The following ZNF565 variants were observed in gnomAD, a reference collection of about 807,000 sequenced individuals.
ZNF565 encodes the protein zinc finger protein 565.
ZNF565 carries 27 observed loss-of-function variants against 39.4 expected under a neutral mutation model. The observed-to-expected ratio is 0.69, with a 90% confidence interval of 0.51 to 0.95. The LOEUF (loss-of-function observed/expected upper bound fraction) is 0.95, where lower values mean the gene tolerates loss of function less well. Ranked by LOEUF, ZNF565 falls within the 40% of genes least tolerant of loss-of-function variation. ZNF565 has a pLI of 0.00. For missense variants in ZNF565, 524 were observed against 621.1 expected, an observed-to-expected ratio of 0.84 and a Z score of 1.66; for synonymous variants, 185 against 216.6, an observed-to-expected ratio of 0.85 and a Z score of 1.28.
At chr19:36,244,310 G>A (rs996764952) in intron 1 of ZNF565, among the ~76,000 whole-genome samples, 1 of 151,934 alleles carries the variant, frequency 6.6e-6, no homozygotes, top group Admixed American at 6.6e-5. Context: ...CTGTAATCCC[G>A]GGAGGCCGAG....
chr19:36,216,981 C>T (rs541112307), upstream of ZNF565, among the ~76,000 whole-genome samples: 10 of 149,350 alleles, frequency 6.7e-5, no homozygotes, highest in Admixed American at 4.7e-4. Context: ...ATCACTTGAG[C>T]CTAGGAGGTC....
At chr19:36,193,769 A>G (rs148478337) in intron 4 of ZNF565, among the ~76,000 whole-genome samples, 2 of 152,130 alleles carry the variant, frequency 1.3e-5, no homozygotes, top group East Asian at 3.9e-4. Context: ...AGGGATGAAG[A>G]CACTTGTAGA....
At chr19:36,234,157 C>T (rs111248918) in intron 1 of ZNF565, among the ~76,000 whole-genome samples, 5 of 152,170 alleles carry the variant, frequency 3.3e-5, no homozygotes, top group Admixed American at 2.0e-4. Context: ...ATCCATTTAA[C>T]GCTGAGTTGA....
intron 1 of ZNF565, among the ~76,000 whole-genome samples, chr19:36,235,164 G>T (rs1157232261): frequency 6.7e-6 from 1 of 150,054 alleles, no homozygotes; most frequent in African/African-American, 2.5e-5. Context: ...AGCCGAGATC[G>T]CACCACTGCA....
chr19:36,224,450 T>G (rs1383602193), intron 1 of ZNF565, among the ~76,000 whole-genome samples: 2 of 152,224 alleles, frequency 1.3e-5, no homozygotes, highest in Non-Finnish European at 2.9e-5. Context: ...TACTAAATTC[T>G]CACATTTATT....
intron 1 of ZNF565, among the ~76,000 whole-genome samples, chr19:36,204,893 T>C (rs1976095612): frequency 6.6e-6 from 1 of 151,906 alleles, no homozygotes; most frequent in Non-Finnish European, 1.5e-5. Flanking sequence ...GAGGCTGAGA[T>C]GGGAGAACTG....
At chr19:36,222,407 C>T (rs1976886257) in intron 1 of ZNF565, among the ~76,000 whole-genome samples, 1 of 152,098 alleles carries the variant, frequency 6.6e-6, no homozygotes, top group Non-Finnish European at 1.5e-5. Flanking sequence ...TTATGTGCGC[C>T]ATTTTATACT....
chr19:36,188,460 C>T (rs1430165507), intron 4 of ZNF565, among the ~76,000 whole-genome samples: 1 of 151,784 alleles, frequency 6.6e-6, no homozygotes, highest in Non-Finnish European at 1.5e-5. Flanking sequence ...GCCTGTAACC[C>T]CAGCACTTTG....
chr19:36,234,484 C>T (rs1568436465), intron 1 of ZNF565, among the ~76,000 whole-genome samples: 1 of 152,206 alleles, frequency 6.6e-6, no homozygotes, highest in Non-Finnish European at 1.5e-5. Context: ...CCCCAGAATG[C>T]CTTCCATAGT....
chr19:36,218,224 G>T (rs1456762050), upstream of ZNF565: 1 of 151,336 alleles, frequency 6.6e-6, no homozygotes, highest in African/African-American at 2.4e-5. Context: ...GGCCTCAGTT[G>T]CTCATTTCAT....
chr19:36,227,176 G>T (rs1977105512), intron 1 of ZNF565, among the ~76,000 whole-genome samples: 1 of 151,902 alleles, frequency 6.6e-6, no homozygotes, highest in South Asian at 2.1e-4. Flanking sequence ...ATCACCTGAG[G>T]TCAGGGGTTC....
chr19:36,226,911 C>A (rs1462095100), intron 1 of ZNF565, among the ~76,000 whole-genome samples: 1 of 151,876 alleles, frequency 6.6e-6, no homozygotes, highest in East Asian at 1.9e-4. Context: ...CAGAGAAACT[C>A]CGTCTCTACT....
chr19:36,235,395 T>C (rs1393186503), intron 1 of ZNF565, among the ~76,000 whole-genome samples: 1 of 152,208 alleles, frequency 6.6e-6, no homozygotes. Context: ...CCATGAATGT[T>C]AATTTTCTAC....
chr19:36,195,235 AG>A (rs1975714776), intron 2 of ZNF565, 79 bp from the exon 3 acceptor site: 2 of 1,538,664 alleles, frequency 1.3e-6, no homozygotes, highest in South Asian at 1.3e-5. Context: ...GATGCACAAA[AG>A]TACAGAGAAT....
At chr19:36,184,091 A>AC (rs1214883539) in intron 4 of ZNF565, among the ~76,000 whole-genome samples, 1 of 149,362 alleles carries the variant, frequency 6.7e-6, no homozygotes, top group African/African-American at 2.4e-5. Flanking sequence ...AAAAAAAAAA[A>AC]AAAAAAAAAA....
intron 1 of ZNF565, chr19:36,237,324 C>A (rs201354591): frequency 4.6e-5 from 72 of 1,579,288 alleles, no homozygotes; most frequent in Admixed American, 5.6e-5. Context: ...CACTAAAAAC[C>A]CCATGAAAGC....
chr19:36,242,725 G>GA (rs1472907825), intron 1 of ZNF565, among the ~76,000 whole-genome samples: 2 of 151,964 alleles, frequency 1.3e-5, no homozygotes, highest in Non-Finnish European at 2.9e-5. Context: ...ACTCTGTCTC[G>GA]AAAAAATAAA....
At chr19:36,185,385 G>A (rs1174551607) in intron 4 of ZNF565, among the ~76,000 whole-genome samples, 3 of 149,538 alleles carry the variant, frequency 2.0e-5, no homozygotes, top group Non-Finnish European at 4.4e-5. Context: ...CTGCACTCCA[G>A]CCTGGGTGAC....
At chr19:36,237,584 A>C (rs930334981) in intron 1 of ZNF565, 1 of 302,980 alleles carries the variant, frequency 3.3e-6, no homozygotes, top group Non-Finnish European at 6.4e-6. Context: ...CAGAAAATGG[A>C]GGCCTGTTTT....
Sources: gnomAD v4.1 joint callset for allele counts (sites outside exome capture counted in the v4.1 genomes callset) on GRCh38, gnomAD v4.1.1 for gene constraint, MANE v1.5 for transcripts, NCBI Gene and HGNC (gene_info 2026-07-23, HGNC 2026-07-21) for gene names.